CCDC183: variants seen among roughly 807,000 people sequenced by gnomAD.
CCDC183 encodes coiled-coil domain containing 183.
A neutral mutation model predicts 65.2 loss-of-function variants in CCDC183; 63 were observed. The observed-to-expected ratio is 0.97, with a 90% CI of 0.79 to 1.19. The LOEUF (loss-of-function observed/expected upper bound fraction) is 1.19. CCDC183 is among the 50% of genes most tolerant of loss of function. The pLI is 0.00. For missense variants in CCDC183, 769 were observed against 689.3 expected (o/e 1.12, Z -1.30); for synonymous variants, 323 against 276.5 (o/e 1.17, Z -1.67).
At chr9:136,807,383 G>A in intron 13 of CCDC183, 189 bp from the exon 14 acceptor site, 2 of 785,992 alleles carry the variant, frequency 2.5e-6, no homozygotes, top group South Asian at 3.7e-5. Context: ...TGGGGGTTCT[G>A]CGGGAAAGGC....
chr9:136,798,206 A>C (rs891720225), intron 1 of CCDC183, among the ~76,000 whole-genome samples: 1 of 151,878 alleles, frequency 6.6e-6, no homozygotes, highest in Non-Finnish European at 1.5e-5. Context: ...GGGTTTACCC[A>C]TCTTGGCCAG....
Position 136,805,746 on chromosome 9 carries a change from C to T in CCDC183, c.948+289C>T, listed in dbSNP as rs193251202. ...CAGACAAGTGACTCAAGTGACACAA[C>T]GTCCTTCAGTGATGATCTCCTTATC... On this transcript the variant is annotated intron_variant, in intron 9 of 13. Coordinates refer to ENST00000338005, the MANE Select transcript of CCDC183 (RefSeq NM_001039374.5). Among the ~76,000 whole-genome samples, 123 of 152,318 alleles carry T rather than the reference C, an allele frequency of 8.1e-4. 1 individual carries two copies. The highest frequency in any genetic ancestry group is 6.7e-3 in the Admixed American group (102 of 15,296).
intron 3 of CCDC183, 21 bp from the exon 4 acceptor site, chr9:136,799,981 G>A: frequency 6.4e-7 from 1 of 1,574,600 alleles, no homozygotes. Flanking sequence ...CCACGAGTGG[G>A]CGGTGCCCTT....
Position 136,799,113 on chromosome 9 carries a change from G to A in CCDC183, c.82G>A (p.Ala28Thr), listed in dbSNP as rs777704884. The A allele has an allele frequency of 6.6e-5, 106 of 1,613,136 alleles. 2 individuals are homozygous for A. In the Admixed American group the frequency reaches 1.7e-3, roughly 26 times the overall value. The change falls in exon 2 of 14, where the codon GCA (alanine) becomes ACA (threonine). Residue 28 changes from alanine (A) to threonine (T), a missense_variant. Coordinates refer to ENST00000338005, the MANE Select transcript of CCDC183 (RefSeq NM_001039374.5). ...CCACCTGCCCACAGAGCAGTGTCGG[G>A]CACTCCAGATCCAAGGGGTGAAAGA... ...TITQLQEQCR[A>T]LQIQGVKENM...
rs767575212 is a variant in CCDC183, at chr9:136,800,143, A to C, written c.412A>C (p.Ser138Arg). Residue 138 changes from serine (S) to arginine (R), a missense_variant, in exon 4 of 14, where the codon AGC becomes CGC. Physicochemically the swap from Ser to Arg is moderately radical, Grantham distance 110. Coordinates refer to ENST00000338005, the MANE Select transcript of CCDC183 (RefSeq NM_001039374.5). Reference sequence around the variant, plus strand: ...CAGCCTGCGGAGCCAGCCCGACGCCAGCAAGGAGGAGCTGCGGCTGCTGCA... The same window carrying C: ...CAGCCTGCGGAGCCAGCCCGACGCCCGCAAGGAGGAGCTGCGGCTGCTGCA... The part of the protein sequence containing the change: ...LDSLRSQPDA[S>R]KEELRLLQII... The C allele has an allele frequency of 4.0e-6, 6 of 1,484,940 alleles. No homozygotes were observed. The highest frequency in any genetic ancestry group is 3.6e-6 in the Non-Finnish European group (4 of 1,113,276). 92.0% of individuals were successfully genotyped at this position (1,484,940 alleles called of 1,614,324 possible).
intron 8 of CCDC183, chr9:136,805,030 C>T (rs1847817469): frequency 1.5e-5 from 9 of 602,188 alleles, no homozygotes. Flanking sequence ...AAGGGCCCTG[C>T]ACCAAGGGCC....
intron 1 of CCDC183, among the ~76,000 whole-genome samples, chr9:136,798,233 T>C (rs1847682742): frequency 6.6e-6 from 1 of 151,998 alleles, no homozygotes; most frequent in African/African-American, 2.4e-5. Flanking sequence ...CTCAAACTCC[T>C]GACCTCAGGT....
chr9:136,801,910 C>A (rs1375766992), intron 5 of CCDC183, among the ~76,000 whole-genome samples: 1 of 151,990 alleles, frequency 6.6e-6, no homozygotes, highest in Admixed American at 6.6e-5. Flanking sequence ...GCCTCAGCCT[C>A]CCGAATAGCT....
rs749497442 is a variant in CCDC183 at position 136,806,177 on chromosome 9, G to T, written c.1048G>T (p.Val350Leu). ...EEWRVQLKAL[V>L]KQLELEEAVL... ...GTGGCGGGTGCAGCTGAAGGCCCTGGTGAAGCAGCTGGAGCTGGAGGAGGC... is the reference window on the plus strand; with the variant it reads ...GTGGCGGGTGCAGCTGAAGGCCCTGTTGAAGCAGCTGGAGCTGGAGGAGGC... The change falls in exon 10 of 14, where the codon GTG (valine) becomes TTG (leucine). Residue 350 changes from valine to leucine, a missense_variant. Val to Leu is a conservative substitution (Grantham distance 32, BLOSUM62 1). Coordinates refer to ENST00000338005, the MANE Select transcript of CCDC183 (RefSeq NM_001039374.5). The T allele has an allele frequency of 7.1e-6, 11 of 1,559,212 alleles. 1 individual carries two copies. The Middle Eastern group carries it at 6.7e-4, about 95-fold the overall frequency.
chr9:136,805,659 G>A, intron 9 of CCDC183: 1 of 577,044 alleles, frequency 1.7e-6, no homozygotes, highest in Admixed American at 3.0e-5. Context: ...CTGTGTATCT[G>A]CGTTTATTAT....
chr9:136,805,415 G>A lies in CCDC183; in HGVS notation c.906G>A (p.Val302=), dbSNP rs569572297. 62 of 1,614,084 alleles carry A rather than the reference G, an allele frequency of 3.8e-5. No homozygotes were observed. In the East Asian group the frequency reaches 1.3e-3, roughly 34 times the overall value. ...EMEYQSGVTA[V]VEKVKSAVRC... ...AATACCAGTCGGGCGTGACTGCTGT[G>A]GTGGAGAAGGTCAAGAGTGCTGTAC... The change falls in exon 9 of 14, where the codon GTG becomes GTA. Residue 302 remains valine (V), a synonymous_variant. Transcript: ENST00000338005.
In CCDC183 at chr9:136,800,399, A is replaced by G; in HGVS notation, c.449A>G (p.Gln150Arg). 1 of 1,610,820 alleles carries G rather than the reference A, an allele frequency of 6.2e-7. No homozygotes were observed. The highest frequency in any genetic ancestry group is 8.5e-7 in the Non-Finnish European group (1 of 1,178,710). ...CTCGGTCCGCCCCAGATCATCCGCC[A>G]GCTGGAGAACAACATCGAGAAGACA... ...EELRLLQIIR[Q>R]LENNIEKTMI... Residue 150 changes from glutamine (Q) to arginine (R), a missense_variant, in exon 5 of 14, where the codon CAG becomes CGG. Transcript: ENST00000338005.
rs946591570 is a variant in CCDC183 at position 136,796,341 on chromosome 9, C to G, written c.-57C>G. 2.3e-5 allele frequency: 27 copies of G among 1,189,100 alleles called. No homozygotes were observed. In the African/African-American group the frequency reaches 4.0e-4, roughly 18 times the overall value. The allele number at this position is 1,189,100 out of a possible 1,614,324, so 73.7% of individuals were successfully genotyped here. Reference sequence around the variant, plus strand: ...AATCTGAGTGGCGGCTCTGAGCAAGCTGAGCCCAGGGAGGCTTTGAGGTAC... The same window carrying G: ...AATCTGAGTGGCGGCTCTGAGCAAGGTGAGCCCAGGGAGGCTTTGAGGTAC... On this transcript the variant is annotated 5_prime_UTR_variant, in exon 1 of 14. Coordinates refer to ENST00000338005, the MANE Select transcript of CCDC183 (RefSeq NM_001039374.5).
In CCDC183 at chr9:136,800,162, T is replaced by A. The variant is rs749645278; in HGVS notation, c.431T>A (p.Leu144Gln). The change falls in exon 4 of 14, where the codon CTG becomes CAG. Residue 144 changes from leucine (L) to glutamine (Q), a missense_variant. Coordinates refer to ENST00000338005, the MANE Select transcript of CCDC183 (RefSeq NM_001039374.5). ...QPDASKEELR[L>Q]LQIIRQLENN... Reference sequence around the variant, plus strand: ...GACGCCAGCAAGGAGGAGCTGCGGCTGCTGCAGGTGGAGAGGCGGGGCTGG... The same window carrying A: ...GACGCCAGCAAGGAGGAGCTGCGGCAGCTGCAGGTGGAGAGGCGGGGCTGG... 2 of 1,250,674 alleles carry A rather than the reference T, an allele frequency of 1.6e-6. No homozygotes were observed. Among genetic ancestry groups the A allele is most frequent in the African/African-American group, 1.6e-5 (1 of 63,324 alleles). The allele number at this position is 1,250,674 out of a possible 1,614,324, so 77.5% of individuals were successfully genotyped here. A position where few individuals can be genotyped will look rare whatever the true frequency, so the allele number is the denominator to read the frequency against.
intron 13 of CCDC183, 86 bp from the exon 14 acceptor site, chr9:136,807,486 C>G: frequency 6.9e-7 from 1 of 1,451,232 alleles, no homozygotes; most frequent in Non-Finnish European, 9.1e-7. Flanking sequence ...TGGCCCGGGT[C>G]GGTGGAGGGC....
At chr9:136,803,298 G>GGGGCCCTCCAGGGCT (rs1847779857) in intron 6 of CCDC183, among the ~76,000 whole-genome samples, 1 of 151,202 alleles carries the variant, frequency 6.6e-6, no homozygotes, top group African/African-American at 2.4e-5. Context: ...CCCCCAGGGC[G>GGGGCCCTCCAGGGCT]GGCTCTCTTG....
chr9:136,799,860 G>A lies in CCDC183; in HGVS notation c.270+70G>A, dbSNP rs1323713647. ...TGCCAGCACCCCCCCACTAGATGTT[G>A]CGGAGCCGACGAGGGACGGAGCAGG... On this transcript the variant is annotated intron_variant, in intron 3 of 13. Transcript: ENST00000338005. 11 of 1,169,684 alleles carry A rather than the reference G, an allele frequency of 9.4e-6. No individual in the cohort carries two copies. The East Asian group carries it at 4.7e-4, about 50-fold the overall frequency. 72.5% of individuals were successfully genotyped at this position (1,169,684 alleles called of 1,614,324 possible).
intron 11 of CCDC183, 32 bp from the exon 12 acceptor site, chr9:136,806,725 A>T (rs1158154811): frequency 6.2e-7 from 1 of 1,613,382 alleles, no homozygotes; most frequent in Admixed American, 1.7e-5. Flanking sequence ...GCAGGGCCAG[A>T]GGGGAGATGA....
At position 136,804,347 on chromosome 9, in the gene CCDC183, G is replaced by A; in HGVS notation, c.667-155G>A. 1 of 1,031,730 alleles carries A rather than the reference G, an allele frequency of 9.7e-7. No homozygotes were observed. Among genetic ancestry groups the A allele is most frequent in the Admixed American group, 2.7e-5 (1 of 37,030 alleles). The allele number at this position is 1,031,730 out of a possible 1,614,324, so 63.9% of individuals were successfully genotyped here. A position where few individuals can be genotyped will look rare whatever the true frequency, so the allele number is the denominator to read the frequency against. On this transcript the variant is annotated intron_variant, in intron 6 of 13. Transcript: ENST00000338005. This position sits in a 1 kb window ranked among gnomAD's most constrained non-coding sequence, Gnocchi z 4.1. ...AGGGCCGTGAGCTGAGGGGCCACGGGCACAAGTGGTTTAGGAAAAGGGTGT... is the reference window on the plus strand; with the variant it reads ...AGGGCCGTGAGCTGAGGGGCCACGGACACAAGTGGTTTAGGAAAAGGGTGT...
Sources: gnomAD v4.1 joint callset for allele counts (sites outside exome capture counted in the v4.1 genomes callset) on GRCh38, gnomAD v4.1.1 for gene constraint, Gnocchi (gnomAD v3.1) non-coding constraint, MANE v1.5 for transcripts, NCBI Gene and HGNC (gene_info 2026-07-23, HGNC 2026-07-21) for gene names.